Variants in TTN observed in about 807,000 individuals in gnomAD.
TTN encodes titin.
Under a neutral mutation model 3,223.0 loss-of-function variants are expected in TTN, and 1,525 were observed. That is an observed-to-expected ratio of 0.47 (90% confidence interval 0.45 to 0.49). The LOEUF (loss-of-function observed/expected upper bound fraction) is 0.49. Among genes scored for constraint, TTN ranks in the 20% least tolerant of loss-of-function variants. The pLI, the probability that TTN is intolerant of heterozygous loss-of-function variation, is 0.00. For missense variants in TTN, 40,786 were observed against 43,424.0 expected, an observed-to-expected ratio of 0.94 and a Z score of 5.40; for synonymous variants, 14,094 against 15,161.0, an observed-to-expected ratio of 0.93 and a Z score of 5.17.
chr2:178,649,269 G>GT lies in TTN; in HGVS notation c.40035dup (p.Pro13346ThrfsTer13), dbSNP rs1255275318. 6.7e-7 allele frequency: 1 copy of GT among 1,499,706 alleles called. No individual in the cohort carries two copies. The highest frequency in any genetic ancestry group is 8.8e-7 in the Non-Finnish European group (1 of 1,129,990). The allele number at this position is 1,499,706 out of a possible 1,614,324, so 92.9% of individuals were successfully genotyped here. On this transcript the variant is annotated frameshift_variant, in exon 213 of 363. Coordinates refer to ENST00000589042, the MANE Select transcript of TTN (RefSeq NM_001267550.2). LOFTEE classifies it high-confidence loss of function. ...GTACCTTTTTCTGGAAGAACTTCTG[G>GT]TTTTTTGGTAACAGGCACAGGTTCT...
In TTN at chr2:178,527,618, G is replaced by A; in HGVS notation, c.107508C>T (p.Ser35836=). 6.2e-7 allele frequency: 1 copy of A among 1,613,986 alleles called. No individual in the cohort carries two copies. The highest frequency in any genetic ancestry group is 8.5e-7 in the Non-Finnish European group (1 of 1,179,862). The change falls in exon 362 of 363, where the codon AGC becomes AGT. Residue 35836 remains serine, a synonymous_variant. Coordinates refer to ENST00000589042, the MANE Select transcript of TTN (RefSeq NM_001267550.2). ...SKQEASFSSF[S]SSSASSMTEM... Reference sequence around the variant, plus strand: ...CAGTCATGCTGCTAGCACTGCTGCTGCTGAAACTGCTGAAGGAGGCCTCCT... The same window carrying A: ...CAGTCATGCTGCTAGCACTGCTGCTACTGAAACTGCTGAAGGAGGCCTCCT...
chr2:178,616,368 G>A, intron 257 of TTN, 111 bp downstream of exon 257: 1 of 1,424,464 alleles, frequency 7.0e-7, no homozygotes, highest in South Asian at 1.3e-5. Context: ...CATTTTCAGT[G>A]AGGTAAAGGT....
Position 178,569,568 on chromosome 2 carries a change from T to C in TTN, c.76564A>G (p.Ile25522Val), listed in dbSNP as rs1403999176. Residue 25522 changes from isoleucine (I) to valine (V), a missense_variant, in exon 326 of 363, where the codon ATA becomes GTA. By Grantham distance (29) the Ile-to-Val change is conservative (BLOSUM62 3). Transcript: ENST00000589042. ...AACCTTAAGGAGCCACCTGCCCTTA[T>C]ATTTATGATTTTCCTTAGTTCTAGG... ...LDLELRKIINIRAGGSLRLFV... is the reference protein window; with the variant it reads ...LDLELRKIINVRAGGSLRLFV... 4 of 1,612,938 alleles carry C rather than the reference T, an allele frequency of 2.5e-6. No homozygotes were observed. The highest frequency in any genetic ancestry group is 2.2e-5 in the East Asian group (1 of 44,700).
chr2:178,632,556 T>G lies in TTN; in HGVS notation c.43450A>C (p.Lys14484Gln). The change falls in exon 235 of 363, where the codon AAG (lysine) becomes CAG (glutamine). Residue 14484 changes from lysine (K) to glutamine (Q), a missense_variant. By Grantham distance (53) the Lys-to-Gln change is moderately conservative. Coordinates refer to ENST00000589042, the MANE Select transcript of TTN (RefSeq NM_001267550.2). Reference protein sequence around the residue: ...EAKYMFEAEDKHTSGKLIIEG... With the variant: ...EAKYMFEAEDQHTSGKLIIEG... ...ATGATCAGTTTGCCACTTGTGTGCTTATCTTCAGCTTCAAACATGTATTTT... is the reference window on the plus strand; with the variant it reads ...ATGATCAGTTTGCCACTTGTGTGCTGATCTTCAGCTTCAAACATGTATTTT... 6.2e-7 allele frequency: 1 copy of G among 1,613,372 alleles called. No individual in the cohort carries two copies. The highest frequency in any genetic ancestry group is 8.5e-7 in the Non-Finnish European group (1 of 1,179,570).
chr2:178,635,452 G>C lies in TTN; in HGVS notation c.41872C>G (p.Leu13958Val). Reference protein sequence around the residue: ...EIEGKRYPAKLTLGEREVELL... With the variant: ...EIEGKRYPAKVTLGEREVELL... ...TAAGATTTTATACCTCCAAGTGTCA[G>C]CTTTGCAGGGTATCTTTTTCCTTCA... The change falls in exon 227 of 363, where the codon CTG becomes GTG. Residue 13958 changes from leucine (L) to valine (V), a missense_variant. Leu to Val is a conservative substitution (Grantham distance 32, BLOSUM62 1). Coordinates refer to ENST00000589042, the MANE Select transcript of TTN (RefSeq NM_001267550.2). 6.2e-7 allele frequency: 1 copy of C among 1,607,454 alleles called. No homozygotes were observed. Among genetic ancestry groups the C allele is most frequent in the Non-Finnish European group, 8.5e-7 (1 of 1,176,838 alleles).
Position 178,608,738 on chromosome 2 carries a change from G to T in TTN, c.52273C>A (p.Leu17425Ile), listed in dbSNP as rs764049705. 3.7e-6 allele frequency: 6 copies of T among 1,612,530 alleles called. No individual in the cohort carries two copies. The highest frequency in any genetic ancestry group is 1.1e-5 in the South Asian group (1 of 91,056). ...DSEWIVVTST[L>I]RHCKYSVTKL... ...GTTACTGAATATTTGCAATGTCTAA[G>T]TGTTGAAGTGACAACAATCCATTCT... Residue 17425 changes from leucine (L) to isoleucine (I), a missense_variant, in exon 274 of 363, where the codon CTT becomes ATT. Coordinates refer to ENST00000589042, the MANE Select transcript of TTN (RefSeq NM_001267550.2).
At chr2:178,557,222 C>G in intron 329 of TTN, 31 bp downstream of exon 329, 1 of 1,612,972 alleles carries the variant, frequency 6.2e-7, no homozygotes, top group East Asian at 2.2e-5. Context: ...TTTTTGTTAT[C>G]AGAACTGCCC....
chr2:178,731,339 T>C lies in TTN; in HGVS notation c.17427A>G (p.Gly5809=). ...KYVCQAKNDA[G]IQRCSALLSV... is the part of the protein sequence containing the mutation. ...AGAGTAATGCAGAACATCTTTGTAT[T>C]CCTGCATCATTTTTGGCCTGACAGA... The change falls in exon 59 of 363, where the codon GGA becomes GGG. Residue 5809 remains glycine (G), a synonymous_variant. Coordinates refer to ENST00000589042, the MANE Select transcript of TTN (RefSeq NM_001267550.2). The C allele has an allele frequency of 6.2e-7, 1 of 1,613,842 alleles. No individual in the cohort carries two copies. Among genetic ancestry groups the C allele is most frequent in the Non-Finnish European group, 8.5e-7 (1 of 1,179,778 alleles).
intron 142 of TTN, among the ~76,000 whole-genome samples, 194 bp from the exon 143 acceptor site, chr2:178,679,024 G>A (rs2068729922): frequency 1.3e-5 from 2 of 152,026 alleles, no homozygotes; most frequent in African/African-American, 2.4e-5. Flanking sequence ...CGAAAAAAAC[G>A]TGGACTGGTG....
rs752804619 is a variant in TTN at position 178,721,151 on chromosome 2, C to T, written c.22868G>A (p.Gly7623Glu). ...TTTACATTCCAGTTGAATGGATTCT[C>T]CCTGCTTTGCAACTTTTGAAGCTTC... ...KLEASKVAKQGESIQLECKIS... is the reference protein window; with the variant it reads ...KLEASKVAKQEESIQLECKIS... Residue 7623 changes from glycine (G) to glutamate (E), a missense_variant, in exon 79 of 363, where the codon GGA becomes GAA. Transcript: ENST00000589042. The T allele has an allele frequency of 3.1e-6, 5 of 1,609,474 alleles. No homozygotes were observed. In the East Asian group the frequency reaches 6.7e-5, roughly 22 times the overall value.
Position 178,614,047 on chromosome 2 carries a change from C to G in TTN, c.49345+5G>C, listed in dbSNP as rs2056844895. 2 of 1,610,382 alleles carry G rather than the reference C, an allele frequency of 1.2e-6. No homozygotes were observed. The highest frequency in any genetic ancestry group is 1.7e-6 in the Non-Finnish European group (2 of 1,178,710). ...TTTTTTTTATCAGCTGATTGAGAAA[C>G]TTACCAAACTGATATTTGGCTGTTA... On this transcript the variant is annotated splice_donor_5th_base_variant and intron_variant, in intron 262 of 362. Coordinates refer to ENST00000589042, the MANE Select transcript of TTN (RefSeq NM_001267550.2).
In TTN at chr2:178,536,948, C is replaced by A; in HGVS notation, c.100161G>T (p.Lys33387Asn). The change falls in exon 356 of 363, where the codon AAG becomes AAT. Residue 33387 changes from lysine (K) to asparagine (N), a missense_variant. Coordinates refer to ENST00000589042, the MANE Select transcript of TTN (RefSeq NM_001267550.2). ...PLEVSSVVII[K>N]SPFEKPGAPG... ...TCAAGTTGTACTCACCAAATGGACT[C>A]TTAATGATCACAACTGAGGACACTT... 1.2e-6 allele frequency: 2 copies of A among 1,608,040 alleles called. No individual in the cohort carries two copies. The highest frequency in any genetic ancestry group is 1.7e-6 in the Non-Finnish European group (2 of 1,175,734).
At position 178,698,941 on chromosome 2, in the gene TTN, AG is replaced by A. The variant is rs2074246512; in HGVS notation, c.30683-28del. 2.0e-6 allele frequency: 3 copies of A among 1,484,736 alleles called. No homozygotes were observed. In the East Asian group the frequency reaches 7.4e-5, roughly 37 times the overall value. 92.0% of individuals were successfully genotyped at this position (1,484,736 alleles called of 1,614,324 possible). A position where few individuals can be genotyped will look rare whatever the true frequency, so the allele number is the denominator to read the frequency against. On this transcript the variant is annotated intron_variant, in intron 111 of 362. Transcript: ENST00000589042. Reference sequence around the variant, plus strand: ...TAAAAAAAAAAAAAAAGAAAAAAAAAGAAAAAATATTTCTGGTGTAAGTAAC... The same window carrying A: ...TAAAAAAAAAAAAAAAGAAAAAAAAAAAAAAATATTTCTGGTGTAAGTAAC...
chr2:178,568,046 C>T lies in TTN; in HGVS notation c.78086G>A (p.Arg26029Lys). 6.2e-7 allele frequency: 1 copy of T among 1,613,356 alleles called. No homozygotes were observed. Among genetic ancestry groups the T allele is most frequent in the Non-Finnish European group, 8.5e-7 (1 of 1,179,582 alleles). The change falls in exon 326 of 363, where the codon AGA (arginine) becomes AAA (lysine). Residue 26029 changes from arginine to lysine, a missense_variant. Transcript: ENST00000589042. ...CCACAAAATACTGTTTCTTTCTTTT[C>T]TCTCCAGGTGGTAACCTATGACGGG... ...GSPVIGYHLE[R>K]KERNSILWTK... is the part of the protein sequence containing the mutation.
chr2:178,750,412 T>C, intron 47 of TTN: 1 of 1,612,342 alleles, frequency 6.2e-7, no homozygotes, highest in Non-Finnish European at 8.5e-7. Flanking sequence ...TTGAATAGTT[T>C]TCCAACGAAT....
Position 178,612,298 on chromosome 2 carries a change from C to A in TTN, c.50227G>T (p.Val16743Leu). The A allele has an allele frequency of 6.2e-7, 1 of 1,612,580 alleles. No homozygotes were observed. The highest frequency in any genetic ancestry group is 2.2e-5 in the East Asian group (1 of 44,578). ...ATACTAAAGGTGTCTTTGGCCAGCA[C>A]AGAGTCCTCAATTTCGGTGTAGTCG... ...QSDYTEIEDS[V>L]LAKDTFTTPG... Residue 16743 changes from valine to leucine, a missense_variant, in exon 266 of 363, where the codon GTG becomes TTG. Transcript: ENST00000589042.
chr2:178,804,753 G>T, intron 1 of TTN, 98 bp from the exon 2 acceptor site: 1 of 1,089,256 alleles, frequency 9.2e-7, no homozygotes, highest in Non-Finnish European at 1.4e-6. Flanking sequence ...CAAATGGATT[G>T]CTCCATAGGT....
intron 94 of TTN, 22 bp from the exon 95 acceptor site, chr2:178,712,615 T>C: frequency 1.2e-6 from 2 of 1,607,110 alleles, no homozygotes; most frequent in Non-Finnish European, 1.7e-6. Context: ...AAATTGAAAA[T>C]ATAAAATCAA....
In TTN at chr2:178,741,713, A is replaced by G. The variant is rs781238390; in HGVS notation, c.11520T>C (p.Ser3840=). 1.2e-6 allele frequency: 2 copies of G among 1,613,762 alleles called. No homozygotes were observed. The highest frequency in any genetic ancestry group is 3.3e-5 in the Admixed American group (2 of 59,986). The change falls in exon 48 of 363, where the codon TCT becomes TCC. Residue 3840 remains serine, a synonymous_variant. Coordinates refer to ENST00000589042, the MANE Select transcript of TTN (RefSeq NM_001267550.2). Reference sequence around the variant, plus strand: ...GTTTGGGGATGCCAATGACAGTTACAGACAGTGTAGCCACATCCCCCATGC... The same window carrying G: ...GTTTGGGGATGCCAATGACAGTTACGGACAGTGTAGCCACATCCCCCATGC... ...DISMGDVATL[S]VTVIGIPKPK...
Sources: allele counts gnomAD v4.1 joint callset (sites outside exome capture counted in the v4.1 genomes callset), GRCh38; gene constraint gnomAD v4.1.1; transcripts MANE v1.5; gene names NCBI Gene and HGNC (gene_info 2026-07-23, HGNC 2026-07-21).